Variants in ARG1 observed in about 807,000 individuals in gnomAD.
ARG1 encodes arginase 1.
In ARG1, 20 loss-of-function variants were observed where a neutral mutation model predicts 33.0. The observed-to-expected ratio is 0.61, with a 90% CI of 0.43 to 0.88. The LOEUF is 0.88. Ranked by LOEUF, ARG1 falls within the 40% of genes least tolerant of loss-of-function variation. ARG1 has a pLI of 0.00. For missense variants in ARG1, 374 were observed against 384.7 expected (o/e 0.97, Z 0.23); for synonymous variants, 146 against 140.6 (o/e 1.04, Z -0.27).
In ARG1 at chr6:131,583,734, T is replaced by C. The variant is rs374805901; in HGVS notation, c.803-8T>C. The C allele has an allele frequency of 6.6e-5, 107 of 1,612,990 alleles. No homozygotes were observed. The African/African-American group carries it at 1.3e-3, about 20-fold the overall frequency. On this transcript the variant is annotated splice_region_variant and splice_polypyrimidine_tract_variant and intron_variant, in intron 7 of 7. Coordinates refer to ENST00000368087, the MANE Select transcript of ARG1 (RefSeq NM_000045.4). The stretch of plus-strand genomic sequence containing the variant: ...TATAAATTACATTATTACAATTTGT[T>C]GTTGTAGGGCTACTCTCAGGATTAG...
At chr6:131,578,190 A>T (rs1773722709) in intron 2 of ARG1, among the ~76,000 whole-genome samples, 1 of 151,714 alleles carries the variant, frequency 6.6e-6, no homozygotes, top group Admixed American at 6.6e-5. Flanking sequence ...AATCTTTAAA[A>T]AAAAAAAAAA....
chr6:131,579,002 T>C (rs1773774433), intron 2 of ARG1, 109 bp from the exon 3 acceptor site: 1 of 1,291,360 alleles, frequency 7.7e-7, no homozygotes, highest in South Asian at 1.4e-5. Context: ...GGTTTTTCCT[T>C]TGCTTATACT....
At chr6:131,573,481 C>A in intron 1 of ARG1, 142 bp downstream of exon 1, 1 of 767,806 alleles carries the variant, frequency 1.3e-6, no homozygotes, top group Non-Finnish European at 2.2e-6. Context: ...GTCCTCTCAC[C>A]ATTTTCCAAC....
chr6:131,583,755 A>T lies in ARG1; in HGVS notation c.816A>T (p.Gly272=). ...EEIYKTGLLS[G]LDIMEVNPSL... ...TTGTTGTTGTAGGGCTACTCTCAGG[A>T]TTAGATATAATGGAAGTGAACCCAT... The change falls in exon 8 of 8, where the codon GGA becomes GGT. Residue 272 remains glycine, a synonymous_variant. Coordinates refer to ENST00000368087, the MANE Select transcript of ARG1 (RefSeq NM_000045.4). 6.2e-7 allele frequency: 1 copy of T among 1,613,966 alleles called. No individual in the cohort carries two copies. The highest frequency in any genetic ancestry group is 8.5e-7 in the Non-Finnish European group (1 of 1,179,880).
intron 1 of ARG1, among the ~76,000 whole-genome samples, chr6:131,573,662 G>C (rs1437194526): frequency 2.0e-5 from 3 of 152,134 alleles, no homozygotes; most frequent in African/African-American, 7.2e-5. Flanking sequence ...AGGTTTAGTT[G>C]CTCTTGTTGT....
intron 2 of ARG1, among the ~76,000 whole-genome samples, chr6:131,577,487 T>G (rs1773677170): frequency 6.6e-6 from 1 of 152,128 alleles, no homozygotes; most frequent in African/African-American, 2.4e-5. Context: ...TGTGCTTGAA[T>G]GTTTGGGGGC....
At chr6:131,578,057 A>T (rs1773713249) in intron 2 of ARG1, among the ~76,000 whole-genome samples, 1 of 152,132 alleles carries the variant, frequency 6.6e-6, no homozygotes, top group Non-Finnish European at 1.5e-5. Flanking sequence ...AAGAAAGCAG[A>T]TCAGCAGTTC....
chr6:131,574,848 A>G (rs544771476), intron 1 of ARG1, among the ~76,000 whole-genome samples: 1 of 152,326 alleles, frequency 6.6e-6, no homozygotes, highest in East Asian at 1.9e-4. Flanking sequence ...TTGGGTTAAA[A>G]AAAAGCCCAG....
intron 5 of ARG1, 92 bp downstream of exon 5, chr6:131,582,807 A>T (rs985578139): frequency 1.9e-6 from 2 of 1,033,244 alleles, no homozygotes; most frequent in Non-Finnish European, 3.1e-6. Context: ...AGAAAATTAA[A>T]CATCAAGACA....
chr6:131,575,297 G>C lies in ARG1; in HGVS notation c.58-1366G>C, dbSNP rs114361028. Among the ~76,000 whole-genome samples, 627 of 152,154 alleles carry C rather than the reference G, an allele frequency of 4.1e-3. 2 individuals are homozygous for C. Among genetic ancestry groups the C allele is most frequent in the South Asian group, 0.018 (85 of 4,816 alleles). ...TGTCAGCTCTACACTACAAAATATA[G>C]TGCCCCACATGTAAAGCAAGCTGGA... On this transcript the variant is annotated intron_variant, in intron 1 of 7. Transcript: ENST00000368087.
intron 1 of ARG1, among the ~76,000 whole-genome samples, chr6:131,573,759 T>G (rs1348065681): frequency 6.6e-6 from 1 of 152,186 alleles, no homozygotes; most frequent in African/African-American, 2.4e-5. Flanking sequence ...TAGAAAAATT[T>G]AATAGTTTGG....
At chr6:131,574,975 A>G (rs1000157171) in intron 1 of ARG1, among the ~76,000 whole-genome samples, 3 of 152,194 alleles carry the variant, frequency 2.0e-5, no homozygotes, top group African/African-American at 7.2e-5. Flanking sequence ...AGACTATTCA[A>G]CTCCAAAGGC....
chr6:131,583,558 T>C (rs1774049092), intron 7 of ARG1, 67 bp downstream of exon 7: 12 of 1,460,792 alleles, frequency 8.2e-6, no homozygotes, highest in African/African-American at 3.0e-5. Flanking sequence ...TATACCTCCT[T>C]GACCTGAAAC....
intron 2 of ARG1, 72 bp downstream of exon 2, chr6:131,576,807 A>G: frequency 7.6e-7 from 1 of 1,323,622 alleles, no homozygotes; most frequent in Middle Eastern, 1.9e-4. Flanking sequence ...GCCCCTGTGA[A>G]CCTGGAGTGT....
intron 5 of ARG1, 93 bp downstream of exon 5, chr6:131,582,808 C>T (rs1774001506): frequency 3.9e-6 from 4 of 1,031,776 alleles, no homozygotes; most frequent in Non-Finnish European, 6.1e-6. Flanking sequence ...GAAAATTAAA[C>T]ATCAAGACAC....
intron 2 of ARG1, among the ~76,000 whole-genome samples, chr6:131,578,906 C>T (rs1773768268): frequency 6.6e-6 from 1 of 152,120 alleles, no homozygotes; most frequent in African/African-American, 2.4e-5. Context: ...GCCCAGTATA[C>T]AGCCGCACCA....
chr6:131,582,983 T>A (rs1774012101), intron 5 of ARG1, 77 bp from the exon 6 acceptor site: 4 of 1,020,002 alleles, frequency 3.9e-6, no homozygotes. Context: ...TTTACTATAT[T>A]TATATTTCCC....
chr6:131,582,756 CCTTT>C, intron 5 of ARG1, 41 bp downstream of exon 5: 1 of 1,563,886 alleles, frequency 6.4e-7, no homozygotes, highest in Non-Finnish European at 8.8e-7. Context: ...CATTTTTGTC[CCTTT>C]GTGTGCTAGA....
rs755359126 is a variant in ARG1, at chr6:131,583,831, G to A, written c.892G>A (p.Ala298Thr). Reference sequence around the variant, plus strand: ...AACTCGAACAGTGAACACAGCAGTTGCAATAACCTTGGCTTGTTTCGGACT... The same window carrying A: ...AACTCGAACAGTGAACACAGCAGTTACAATAACCTTGGCTTGTTTCGGACT... ...EVTRTVNTAV[A>T]ITLACFGLAR... The change falls in exon 8 of 8, where the codon GCA becomes ACA. Residue 298 changes from alanine to threonine, a missense_variant. Ala to Thr is a moderately conservative substitution (Grantham distance 58). Coordinates refer to ENST00000368087, the MANE Select transcript of ARG1 (RefSeq NM_000045.4). 4.3e-6 allele frequency: 7 copies of A among 1,614,002 alleles called. No homozygotes were observed. The highest frequency in any genetic ancestry group is 4.0e-5 in the African/African-American group (3 of 74,928).
Sources: allele counts gnomAD v4.1 joint callset (sites outside exome capture counted in the v4.1 genomes callset), GRCh38; gene constraint gnomAD v4.1.1; transcripts MANE v1.5; gene names NCBI Gene and HGNC (gene_info 2026-07-23, HGNC 2026-07-21).